RNF144B: variants seen among roughly 807,000 people sequenced by gnomAD.
RNF144B encodes the protein ring finger protein 144B, also known as E3 ubiquitin-protein ligase RNF144B.
In RNF144B, 25 loss-of-function variants were observed where a neutral mutation model predicts 40.2. The observed-to-expected ratio is 0.62, with a 90% CI of 0.45 to 0.87. The LOEUF is 0.87. Ranked by LOEUF, RNF144B falls within the 40% of genes least tolerant of loss-of-function variation. RNF144B has a pLI of 0.00. For synonymous variants in RNF144B, 145 were observed against 136.3 expected, an observed-to-expected ratio of 1.06 and a Z score of -0.44; for missense variants, 365 against 373.7, an observed-to-expected ratio of 0.98 and a Z score of 0.19.
In RNF144B at chr6:18,459,564, T is replaced by C; in HGVS notation, c.537-43T>C. 1.9e-6 allele frequency: 3 copies of C among 1,596,776 alleles called. No individual in the cohort carries two copies. Among genetic ancestry groups the C allele is most frequent in the Non-Finnish European group, 2.6e-6 (3 of 1,167,404 alleles). On this transcript the variant is annotated intron_variant, in intron 5 of 7. Coordinates refer to ENST00000259939, the MANE Select transcript of RNF144B (RefSeq NM_182757.4). The surrounding 1 kb of genome is among the most constrained non-coding windows in gnomAD (Gnocchi z 4.2). ...TCAGGAGCCCTGGGAATTCAACTGA[T>C]GACCATCAGCTGAATGCCATTTCTC...
chr6:18,464,960 G>A lies in RNF144B; in HGVS notation c.805G>A (p.Ala269Thr). Reference protein sequence around the residue: ...VGILVGLGIIALVTSPLLLLA... With the variant: ...VGILVGLGIITLVTSPLLLLA... ...GATTCTCGTAGGCTTGGGCATCATT[G>A]CCTTGGTTACTTCACCCTTGTTACT... Residue 269 changes from alanine (A) to threonine (T), a missense_variant, in exon 8 of 8, where the codon GCC becomes ACC. Transcript: ENST00000259939. The surrounding 1 kb of genome is among the most constrained non-coding windows in gnomAD (Gnocchi z 6.1). The A allele has an allele frequency of 6.2e-7, 1 of 1,613,964 alleles. No individual in the cohort carries two copies. The highest frequency in any genetic ancestry group is 1.3e-5 in the African/African-American group (1 of 75,026).
Position 18,425,530 on chromosome 6 carries a change from T to C in RNF144B, c.166-2051T>C, listed in dbSNP as rs1372443011. Among the ~76,000 whole-genome samples the C allele has an allele frequency of 6.6e-6, 1 of 152,134 alleles. No individual in the cohort carries two copies. The highest frequency in any genetic ancestry group is 2.4e-5 in the African/African-American group (1 of 41,432). On this transcript the variant is annotated intron_variant, in intron 2 of 7. Coordinates refer to ENST00000259939, the MANE Select transcript of RNF144B (RefSeq NM_182757.4). The surrounding 1 kb of genome is among the most constrained non-coding windows in gnomAD (Gnocchi z 4.2). ...CTTCCCCATATTTCCTTGCTGCTGC[T>C]CTCTTCTATGTCCCACTGCTGCTGC...
At chr6:18,461,647 C>A (rs577690584) in intron 6 of RNF144B, among the ~76,000 whole-genome samples, 3 of 152,334 alleles carry the variant, frequency 2.0e-5, no homozygotes, top group Non-Finnish European at 2.9e-5. Flanking sequence ...TGGCTGAATA[C>A]ACAGACTTCA....
intron 3 of RNF144B, 137 bp downstream of exon 3, chr6:18,427,822 C>T: frequency 1.7e-6 from 1 of 603,512 alleles, no homozygotes; most frequent in Non-Finnish European, 2.9e-6. Context: ...CACTTTATTG[C>T]AGCTTACCTT....
At chr6:18,433,606 A>G (rs545434488) in intron 3 of RNF144B, among the ~76,000 whole-genome samples, 1 of 152,300 alleles carries the variant, frequency 6.6e-6, no homozygotes, top group South Asian at 2.1e-4. Flanking sequence ...TCTTGGTTAG[A>G]TAATGTACAG....
At position 18,446,869 on chromosome 6, in the gene RNF144B, G is replaced by GTC. The variant is rs1759095547; in HGVS notation, c.331+7126_331+7127insCT. ...TGTGTGTGTGTGTGTGTGTGTGTGT[G>GTC]TGTGTCTGTGTGTGTGTTGTGTGTT... On this transcript the variant is annotated intron_variant, in intron 4 of 7. Transcript: ENST00000259939. This position sits in a 1 kb window ranked among gnomAD's most constrained non-coding sequence, Gnocchi z 4.7. Among the ~76,000 whole-genome samples, 1 of 148,694 alleles carries GTC rather than the reference G, an allele frequency of 6.7e-6. No individual in the cohort carries two copies. The highest frequency in any genetic ancestry group is 2.5e-5 in the African/African-American group (1 of 39,338).
rs11413565 is a variant in RNF144B, at chr6:18,450,304, G to GT, written c.332-6839dup. ...CAACTCTGATTTGTAGTGCTTGCCA[G>GT]TTTTTTTTTTTTAGATGGAGTCTTG... On this transcript the variant is annotated intron_variant, in intron 4 of 7. Coordinates refer to ENST00000259939, the MANE Select transcript of RNF144B (RefSeq NM_182757.4). The surrounding 1 kb of genome is among the most constrained non-coding windows in gnomAD (Gnocchi z 4.7). 0.092 allele frequency among the ~76,000 whole-genome samples: 13,369 copies of GT among 146,072 alleles called. 704 individuals carry two copies. Among genetic ancestry groups the GT allele is most frequent in the Non-Finnish European group, 0.13 (8,520 of 65,978 alleles).
At chr6:18,420,475 G>A (rs1395257419) in intron 2 of RNF144B, among the ~76,000 whole-genome samples, 1 of 152,090 alleles carries the variant, frequency 6.6e-6, no homozygotes, top group Admixed American at 6.6e-5. Flanking sequence ...GAGCTTCTAG[G>A]CTATAGAGGA....
At chr6:18,427,320 A>G (rs892371446) in intron 2 of RNF144B, among the ~76,000 whole-genome samples, 1 of 152,074 alleles carries the variant, frequency 6.6e-6, no homozygotes, top group African/African-American at 2.4e-5. Context: ...TTCCTGATCT[A>G]TGGTGGCTGA....
intron 1 of RNF144B, chr6:18,396,596 T>C: frequency 4.1e-6 from 4 of 985,256 alleles, no homozygotes; most frequent in Non-Finnish European, 3.6e-6. Flanking sequence ...TTTCTCCTAC[T>C]CAGGAAGCAT....
rs56249772 is a variant in RNF144B, at chr6:18,460,505, A to T, written c.681+754A>T. On this transcript the variant is annotated intron_variant, in intron 6 of 7. Transcript: ENST00000259939. This position sits in a 1 kb window ranked among gnomAD's most constrained non-coding sequence, Gnocchi z 4.4. ...TTAGGCCATGATATCTTTGGGAGGT[A>T]GTTATTCTGCCTACCACTATTAGAT... 0.034 allele frequency among the ~76,000 whole-genome samples: 5,187 copies of T among 152,292 alleles called. 138 individuals are homozygous for T. The highest frequency in any genetic ancestry group is 0.054 in the Non-Finnish European group (3,694 of 68,008).
rs528802701 is a variant in RNF144B at position 18,442,702 on chromosome 6, T to C, written c.331+2958T>C. On this transcript the variant is annotated intron_variant, in intron 4 of 7. Coordinates refer to ENST00000259939, the MANE Select transcript of RNF144B (RefSeq NM_182757.4). The surrounding 1 kb of genome is among the most constrained non-coding windows in gnomAD (Gnocchi z 4.3). Reference sequence around the variant, plus strand: ...CTGTAGCCATTAACCAATAAGTCCTTATTCCTCCTCCCTGAAACCCCTAGT... The same window carrying C: ...CTGTAGCCATTAACCAATAAGTCCTCATTCCTCCTCCCTGAAACCCCTAGT... 6.6e-6 allele frequency among the ~76,000 whole-genome samples: 1 copy of C among 152,158 alleles called. No homozygotes were observed. The highest frequency in any genetic ancestry group is 1.5e-5 in the Non-Finnish European group (1 of 68,028).
At chr6:18,445,719 C>T (rs1264279231) in intron 4 of RNF144B, among the ~76,000 whole-genome samples, 1 of 152,098 alleles carries the variant, frequency 6.6e-6, no homozygotes, top group Non-Finnish European at 1.5e-5. Context: ...GATTTCTGAA[C>T]TTTTTCCCAT....
intron 1 of RNF144B, among the ~76,000 whole-genome samples, chr6:18,388,909 A>G (rs540419910): frequency 6.6e-6 from 1 of 152,288 alleles, no homozygotes; most frequent in Non-Finnish European, 1.5e-5. Context: ...TCTTGATTAA[A>G]AAAAGGTAAA....
chr6:18,392,194 C>T (rs534490391), intron 1 of RNF144B, among the ~76,000 whole-genome samples: 4 of 151,848 alleles, frequency 2.6e-5, no homozygotes, highest in South Asian at 2.1e-4. Context: ...GGCGACAGAG[C>T]GAGACTCCGT....
chr6:18,466,053 G>A lies in RNF144B; in HGVS notation c.*986G>A, dbSNP rs1759565980. The A allele has an allele frequency of 1.3e-5, 2 of 152,166 alleles. No individual in the cohort carries two copies. Among genetic ancestry groups the A allele is most frequent in the African/African-American group, 2.4e-5 (1 of 41,430 alleles). The allele number at this position is 152,166 out of a possible 1,614,324, so 9.4% of individuals were successfully genotyped here. ...CCTACCTGTAATTTCTATCCATTGA[G>A]CATGCATGGATATACCCAATAGTAC... On this transcript the variant is annotated 3_prime_UTR_variant, in exon 8 of 8. Transcript: ENST00000259939.
rs1400276907 is a variant in RNF144B at position 18,450,720 on chromosome 6, AC to A, written c.332-6434del. On this transcript the variant is annotated intron_variant, in intron 4 of 7. Transcript: ENST00000259939. This position sits in a 1 kb window ranked among gnomAD's most constrained non-coding sequence, Gnocchi z 4.7. ...GGTTCTCATGAGCTGGCAAGATCCC[AC>A]TTCGGGATGTGAATGCCCTTGTTCA... is the stretch of plus-strand genomic sequence containing the variant. 6.6e-6 allele frequency among the ~76,000 whole-genome samples: 1 copy of A among 152,246 alleles called. No homozygotes were observed.
At position 18,446,662 on chromosome 6, in the gene RNF144B, G is replaced by A. The variant is rs1759088312; in HGVS notation, c.331+6918G>A. Among the ~76,000 whole-genome samples, 1 of 152,048 alleles carries A rather than the reference G, an allele frequency of 6.6e-6. No homozygotes were observed. The highest frequency in any genetic ancestry group is 6.6e-5 in the Admixed American group (1 of 15,266). On this transcript the variant is annotated intron_variant, in intron 4 of 7. Transcript: ENST00000259939. This position sits in a 1 kb window ranked among gnomAD's most constrained non-coding sequence, Gnocchi z 4.7. ...ATGCAACATTCTAGGCATCTTGCTG[G>A]GTCAGTGATTGTCAGAGAAGGGTGA...
chr6:18,457,107 C>A lies in RNF144B; in HGVS notation c.332-48C>A. ...AGGGCAAATGAAGGTGAGAAAGACT[C>A]AAACATGAATCGGGCAGACCATCAC... is the stretch of plus-strand genomic sequence containing the variant. On this transcript the variant is annotated intron_variant, in intron 4 of 7. Transcript: ENST00000259939. This position sits in a 1 kb window ranked among gnomAD's most constrained non-coding sequence, Gnocchi z 5.1. 1 of 1,389,964 alleles carries A rather than the reference C, an allele frequency of 7.2e-7. No homozygotes were observed. Among genetic ancestry groups the A allele is most frequent in the Non-Finnish European group, 1.0e-6 (1 of 977,088 alleles). 86.1% of individuals were successfully genotyped at this position (1,389,964 alleles called of 1,614,324 possible).
Sources: allele counts gnomAD v4.1 joint callset (sites outside exome capture counted in the v4.1 genomes callset), GRCh38; gene constraint gnomAD v4.1.1; non-coding constraint Gnocchi (gnomAD v3.1); transcripts MANE v1.5; gene names NCBI Gene and HGNC (gene_info 2026-07-23, HGNC 2026-07-21).